NRXN1: variants seen among roughly 807,000 people sequenced by gnomAD.
NRXN1 encodes the protein neurexin-1.
NRXN1 carries 39 observed loss-of-function variants against 150.9 expected under a neutral mutation model. That is an observed-to-expected ratio of 0.26 (90% CI 0.20 to 0.34). The LOEUF is 0.34. Ranked by LOEUF, NRXN1 falls within the 10% of genes least tolerant of loss-of-function variation. NRXN1 has a pLI of 1.00. For missense variants in NRXN1, 1,815 were observed against 1,949.9 expected, an observed-to-expected ratio of 0.93 and a Z score of 1.30; for synonymous variants, 924 against 757.0, an observed-to-expected ratio of 1.22 and a Z score of -3.62.
intron 17 of NRXN1, among the ~76,000 whole-genome samples, chr2:50,273,716 A>C (rs2070023102): frequency 6.6e-6 from 1 of 152,114 alleles, no homozygotes; most frequent in African/African-American, 2.4e-5. Context: ...TGTTAATTCC[A>C]CTTGGTATTA....
chr2:50,620,295 GCTT>G, intron 7 of NRXN1, 112 bp from the exon 8 acceptor site: 1 of 1,233,072 alleles, frequency 8.1e-7, no homozygotes, highest in Non-Finnish European at 1.1e-6. Flanking sequence ...GTTTTGTTTT[GCTT>G]TTTTCTTTTT....
intron 21 of NRXN1, among the ~76,000 whole-genome samples, chr2:49,965,622 G>C (rs1035675801): frequency 2.0e-5 from 3 of 152,084 alleles, no homozygotes; most frequent in Non-Finnish European, 2.9e-5. Context: ...TCCTACACAA[G>C]TTTTTGTGCC....
intron 5 of NRXN1, among the ~76,000 whole-genome samples, chr2:50,752,667 C>T (rs545702331): frequency 2.0e-5 from 3 of 150,362 alleles, no homozygotes; most frequent in Non-Finnish European, 4.4e-5. Flanking sequence ...TATGTGTATT[C>T]AACTGAAAGC....
At chr2:50,718,910 A>G (rs1696234781) in intron 5 of NRXN1, among the ~76,000 whole-genome samples, 1 of 152,056 alleles carries the variant, frequency 6.6e-6, no homozygotes, top group Admixed American at 6.6e-5. Flanking sequence ...TAGATAAAAC[A>G]GACCATTTCA....
At chr2:50,261,247 AT>A (rs1553337418) in intron 17 of NRXN1, among the ~76,000 whole-genome samples, 1 of 151,778 alleles carries the variant, frequency 6.6e-6, no homozygotes, top group Non-Finnish European at 1.5e-5. Flanking sequence ...CCTAGGCCAA[AT>A]TTGACCCTGA....
At chr2:50,591,762 A>T (rs1253726237) in intron 8 of NRXN1, among the ~76,000 whole-genome samples, 1 of 152,188 alleles carries the variant, frequency 6.6e-6, no homozygotes, top group Non-Finnish European at 1.5e-5. Context: ...CCCTCAGTGG[A>T]TGCTGCCAAA....
chr2:50,271,162 T>C (rs1026390947), intron 17 of NRXN1, among the ~76,000 whole-genome samples: 1 of 152,128 alleles, frequency 6.6e-6, no homozygotes, highest in African/African-American at 2.4e-5. Context: ...AACACAAAAA[T>C]GCAGTATTTC....
chr2:50,506,516 C>T lies in NRXN1; in HGVS notation c.2476G>A (p.Asp826Asn), dbSNP rs3185852. Reference protein sequence around the residue: ...RRGKSLKLTVDDQQAMTGQMA... With the variant: ...RRGKSLKLTVNDQQAMTGQMA... The stretch of plus-strand genomic sequence containing the variant: ...TTACCTGTCATGGCCTGTTGGTCAT[C>T]CACTGTTAACTTTAAACTTTTTCCA... The change falls in exon 13 of 23, where the codon GAT becomes AAT. Residue 826 changes from aspartate (D) to asparagine (N), a missense_variant. Physicochemically the swap from Asp to Asn is conservative, Grantham distance 23. This residue lies in a region of NRXN1 where 638 missense variants were observed against 652.6 expected (regional missense o/e 0.98). Coordinates refer to ENST00000401669, the MANE Select transcript of NRXN1 (RefSeq NM_001330078.2). 2 of 1,612,842 alleles carry T rather than the reference C, an allele frequency of 1.2e-6. No homozygotes were observed. Among genetic ancestry groups the T allele is most frequent in the Admixed American group, 1.7e-5 (1 of 59,878 alleles).
intron 17 of NRXN1, among the ~76,000 whole-genome samples, chr2:50,261,682 T>C (rs2068300342): frequency 6.6e-6 from 1 of 151,940 alleles, no homozygotes; most frequent in African/African-American, 2.4e-5. Context: ...TTGAAAGATA[T>C]GTTAACAATA....
At chr2:50,929,459 C>T (rs1419930327) in intron 2 of NRXN1, among the ~76,000 whole-genome samples, 1 of 152,000 alleles carries the variant, frequency 6.6e-6, no homozygotes, top group East Asian at 1.9e-4. Flanking sequence ...ATCACTTGGG[C>T]ATTCCTTTAC....
chr2:50,889,675 C>T (rs1450070246), intron 5 of NRXN1, among the ~76,000 whole-genome samples: 3 of 151,540 alleles, frequency 2.0e-5, no homozygotes, highest in Admixed American at 6.6e-5. Context: ...TTGGTAATAG[C>T]TTTTCATTTA....
At chr2:50,600,004 A>G (rs373598199) in intron 8 of NRXN1, among the ~76,000 whole-genome samples, 1 of 152,140 alleles carries the variant, frequency 6.6e-6, no homozygotes, top group East Asian at 1.9e-4. Context: ...AATTAATTAT[A>G]TATTAAACTA....
chr2:50,666,163 T>A (rs925330795), intron 5 of NRXN1, among the ~76,000 whole-genome samples: 1 of 151,970 alleles, frequency 6.6e-6, no homozygotes, highest in East Asian at 1.9e-4. Context: ...GTAAGTAGAC[T>A]TTTTTGCCTG....
intron 5 of NRXN1, among the ~76,000 whole-genome samples, chr2:50,835,115 G>A (rs1671931215): frequency 6.6e-6 from 1 of 152,092 alleles, no homozygotes; most frequent in African/African-American, 2.4e-5. Context: ...GCTTTCAGAT[G>A]GGATGTCTTC....
At chr2:50,643,741 C>G (rs866725285) in intron 5 of NRXN1, among the ~76,000 whole-genome samples, 23 of 151,838 alleles carry the variant, frequency 1.5e-4, no homozygotes, top group South Asian at 4.1e-4. Flanking sequence ...TCCATTTTCT[C>G]TAAACATCCC....
intron 17 of NRXN1, among the ~76,000 whole-genome samples, chr2:50,325,539 C>T (rs775067259): frequency 3.9e-5 from 6 of 152,178 alleles, no homozygotes; most frequent in Non-Finnish European, 5.9e-5. Context: ...AATGAGAAAA[C>T]GTGTCCAAAG....
chr2:50,737,955 C>A (rs1698971821), intron 5 of NRXN1, among the ~76,000 whole-genome samples: 1 of 151,930 alleles, frequency 6.6e-6, no homozygotes, highest in Non-Finnish European at 1.5e-5. Context: ...GAATATCAAC[C>A]AATCAAAGAC....
chr2:50,917,934 T>C (rs1685452844), intron 5 of NRXN1: 1 of 151,734 alleles, frequency 6.6e-6, no homozygotes, highest in African/African-American at 2.4e-5. Flanking sequence ...AAGAGTAAGT[T>C]TAATGAAATA....
chr2:50,317,252 A>C (rs916490955), intron 17 of NRXN1, among the ~76,000 whole-genome samples: 2 of 151,992 alleles, frequency 1.3e-5, no homozygotes, highest in Admixed American at 1.3e-4. Flanking sequence ...ACAAATCCTA[A>C]TATCAGGAAG....
Sources: gnomAD v4.1 joint callset for allele counts (sites outside exome capture counted in the v4.1 genomes callset) on GRCh38, gnomAD v4.1.1 for gene constraint, gnomAD v4.1.1 regional missense constraint, MANE v1.5 for transcripts, NCBI Gene and HGNC (gene_info 2026-07-23, HGNC 2026-07-21) for gene names.